CST8: variants seen among roughly 807,000 people sequenced by gnomAD.
CST8 encodes cystatin-8.
CST8 carries 20 observed loss-of-function variants against 11.8 expected under a neutral mutation model. The ratio of observed to expected loss-of-function variants is 1.70; its 90% confidence interval spans 1.20 to 2.47. CST8 has a LOEUF of 2.47. Ranked by LOEUF, CST8 falls within the 30% of genes most tolerant of loss-of-function variation. The pLI, the probability that CST8 is intolerant of heterozygous loss-of-function variation, is 0.00. For synonymous variants in CST8, 77 were observed against 63.1 expected (o/e 1.22, Z -1.05); for missense variants, 196 against 167.2 (o/e 1.17, Z -0.95).
At chr20:23,505,973 A>G in the CST8 span, among the ~76,000 whole-genome samples, 3 of 146,798 alleles carry the variant, frequency 2.0e-5, no homozygotes, top group African/African-American at 7.7e-5. Flanking sequence ...TATTTAATAC[A>G]TTAAAGTATT....
the CST8 span, among the ~76,000 whole-genome samples, chr20:23,501,458 C>T: frequency 3.8e-4 from 58 of 152,334 alleles, 1 homozygote; most frequent in East Asian, 3.1e-3. Flanking sequence ...CATCCCGTGT[C>T]GGGTCCCCGC....
chr20:23,494,160 G>A lies in CST8; in HGVS notation c.345+1089G>A, dbSNP rs141632373. Among the ~76,000 whole-genome samples, 154 of 152,248 alleles carry A rather than the reference G, an allele frequency of 1.0e-3. 1 individual carries two copies. The highest frequency in any genetic ancestry group is 7.9e-3 in the South Asian group (38 of 4,824). ...AAACATTTCAGCAGTGAGCTTGTCCGAATGCTATCTGATCTTTTATGCTTG... is the reference window on the plus strand; with the variant it reads ...AAACATTTCAGCAGTGAGCTTGTCCAAATGCTATCTGATCTTTTATGCTTG... On this transcript the variant is annotated intron_variant, in intron 3 of 3. Transcript: ENST00000246012.
At position 23,491,678 on chromosome 20, in the gene CST8, G is replaced by T. The variant is rs1278143999; in HGVS notation, c.11G>T (p.Cys4Phe). 2 of 1,613,798 alleles carry T rather than the reference G, an allele frequency of 1.2e-6. No homozygotes were observed. Among genetic ancestry groups the T allele is most frequent in the Non-Finnish European group, 1.7e-6 (2 of 1,179,752 alleles). The change falls in exon 2 of 4, where the codon TGC becomes TTC. Residue 4 changes from cysteine to phenylalanine, a missense_variant. Coordinates refer to ENST00000246012, the MANE Select transcript of CST8 (RefSeq NM_005492.4). Reference sequence around the variant, plus strand: ...CTTGCCCAAGGGACCATGCCCAGGTGCCGGTGGCTCTCCCTGATCCTCCTC... The same window carrying T: ...CTTGCCCAAGGGACCATGCCCAGGTTCCGGTGGCTCTCCCTGATCCTCCTC... Reference protein sequence around the residue: MPRCRWLSLILLTI... With the variant: MPRFRWLSLILLTI...
chr20:23,496,969 T>C (rs992780655), downstream of CST8, among the ~76,000 whole-genome samples: 2 of 152,222 alleles, frequency 1.3e-5, no homozygotes, highest in African/African-American at 4.8e-5. Context: ...AGATTTCATA[T>C]TGTTCAAACA....
At chr20:23,492,841 G>T in intron 2 of CST8, 117 bp from the exon 3 acceptor site, 1 of 723,570 alleles carries the variant, frequency 1.4e-6, no homozygotes. Flanking sequence ...GCTCTGTCTG[G>T]GGGTGAGGGA....
Position 23,491,726 on chromosome 20 carries a change from C to G in CST8, c.59C>G (p.Ala20Gly). Residue 20 changes from alanine (A) to glycine (G), a missense_variant, in exon 2 of 4, where the codon GCC becomes GGC. By Grantham distance (60) the Ala-to-Gly change is moderately conservative. Coordinates refer to ENST00000246012, the MANE Select transcript of CST8 (RefSeq NM_005492.4). The part of the protein sequence containing the change: ...ILLTIPLALV[A>G]RKDPKKNETG... ...CTCACCATTCCCCTGGCCCTGGTGG[C>G]CAGGAAAGACCCAAAAAAGAATGAG... The G allele has an allele frequency of 1.2e-6, 2 of 1,613,970 alleles. No homozygotes were observed. The highest frequency in any genetic ancestry group is 1.7e-6 in the Non-Finnish European group (2 of 1,179,916).
At chr20:23,503,239 A>C in the CST8 span, among the ~76,000 whole-genome samples, 1 of 152,252 alleles carries the variant, frequency 6.6e-6, no homozygotes, top group Non-Finnish European at 1.5e-5. Context: ...ATAAGACACA[A>C]TAATACAGAC....
chr20:23,505,768 C>T, the CST8 span, among the ~76,000 whole-genome samples: 1 of 152,106 alleles, frequency 6.6e-6, no homozygotes, highest in South Asian at 2.1e-4. Flanking sequence ...TGGGAGCTTG[C>T]TAGCAATGCT....
chr20:23,505,392 C>T, the CST8 span, among the ~76,000 whole-genome samples: 3 of 152,122 alleles, frequency 2.0e-5, no homozygotes, highest in African/African-American at 7.2e-5. Context: ...GATCTGCCCA[C>T]CTCGGCCTCC....
chr20:23,491,438 C>T (rs1987875590), intron 1 of CST8, 87 bp from the exon 2 acceptor site: 1 of 572,564 alleles, frequency 1.7e-6, no homozygotes, highest in Non-Finnish European at 3.1e-6. Flanking sequence ...TAGAGAGACT[C>T]CTTAACTGGC....
the CST8 span, among the ~76,000 whole-genome samples, chr20:23,505,288 G>T: frequency 6.6e-6 from 1 of 151,856 alleles, no homozygotes. Context: ...GGGACTACGG[G>T]TGCCCGCCAC....
At chr20:23,500,273 T>C (rs1475601528), downstream of CST8, among the ~76,000 whole-genome samples, 1 of 151,878 alleles carries the variant, frequency 6.6e-6, no homozygotes, top group East Asian at 1.9e-4. Context: ...AGATGCAAGG[T>C]GTTGACCCTG....
intron 2 of CST8, among the ~76,000 whole-genome samples, chr20:23,492,752 C>T (rs1987926401): frequency 6.6e-6 from 1 of 152,100 alleles, no homozygotes; most frequent in Non-Finnish European, 1.5e-5. Flanking sequence ...AAGTGTCCAG[C>T]TCCAGGAGCC....
chr20:23,494,386 G>A (rs1333806168), intron 3 of CST8, among the ~76,000 whole-genome samples: 1 of 152,130 alleles, frequency 6.6e-6, no homozygotes. Context: ...ACATGTTCAA[G>A]CAGACATTTG....
Position 23,491,627 on chromosome 20 carries a change from G to T in CST8, c.-41G>T, listed in dbSNP as rs374022715. ...CTGCCCACAGCTCCAGCCCTGAGACGACGAGGAGGAGAGTCGACTTTGCCT... is the reference window on the plus strand; with the variant it reads ...CTGCCCACAGCTCCAGCCCTGAGACTACGAGGAGGAGAGTCGACTTTGCCT... On this transcript the variant is annotated 5_prime_UTR_variant, in exon 2 of 4. Coordinates refer to ENST00000246012, the MANE Select transcript of CST8 (RefSeq NM_005492.4). 4.0e-5 allele frequency: 60 copies of T among 1,515,522 alleles called. 1 individual carries two copies. The African/African-American group carries it at 7.7e-4, about 19-fold the overall frequency. 93.9% of individuals were successfully genotyped at this position (1,515,522 alleles called of 1,614,324 possible). A position where few individuals can be genotyped will look rare whatever the true frequency, so the allele number is the denominator to read the frequency against.
intron 3 of CST8, among the ~76,000 whole-genome samples, chr20:23,494,048 C>T (rs1987968855): frequency 6.6e-6 from 1 of 152,164 alleles, no homozygotes; most frequent in Admixed American, 6.5e-5. Flanking sequence ...AACTGCCCTG[C>T]CATTATGTTT....
In CST8 at chr20:23,495,948, C is replaced by G. The variant is rs771727843; in HGVS notation, c.*34C>G. The G allele has an allele frequency of 7.3e-6, 11 of 1,498,632 alleles. No individual in the cohort carries two copies. The South Asian group carries it at 1.3e-4, about 18-fold the overall frequency. The allele number at this position is 1,498,632 out of a possible 1,614,324, so 92.8% of individuals were successfully genotyped here. A position where few individuals can be genotyped will look rare whatever the true frequency, so the allele number is the denominator to read the frequency against. ...TGAGGCATCCCTCCAACCTCTGTGA[C>G]TACTTTATCCATGAAAATGAAGCAA... On this transcript the variant is annotated 3_prime_UTR_variant, in exon 4 of 4. Coordinates refer to ENST00000246012, the MANE Select transcript of CST8 (RefSeq NM_005492.4).
At chr20:23,500,907 G>T (rs1364608586), downstream of CST8, among the ~76,000 whole-genome samples, 1 of 152,074 alleles carries the variant, frequency 6.6e-6, no homozygotes, top group African/African-American at 2.4e-5. Context: ...AAAAAAAATT[G>T]CTTGAAATTT....
downstream of CST8, among the ~76,000 whole-genome samples, chr20:23,496,784 C>G (rs1988057729): frequency 1.3e-5 from 2 of 152,220 alleles, no homozygotes; most frequent in African/African-American, 4.8e-5. Flanking sequence ...GATGCATTCT[C>G]TTTCTCAGGG....
Sources: gnomAD v4.1 joint callset for allele counts (sites outside exome capture counted in the v4.1 genomes callset) on GRCh38, gnomAD v4.1.1 for gene constraint, MANE v1.5 for transcripts, NCBI Gene and HGNC (gene_info 2026-07-23, HGNC 2026-07-21) for gene names.